OSMR: variants seen among roughly 807,000 people sequenced by gnomAD.
The protein encoded by OSMR is oncostatin-M-specific receptor subunit beta.
A neutral mutation model predicts 99.9 loss-of-function variants in OSMR; 81 were observed. The ratio of observed to expected loss-of-function variants is 0.81; its 90% CI spans 0.68 to 0.97. The LOEUF is 0.97. Ranked by LOEUF, OSMR falls within the 50% of genes least tolerant of loss-of-function variation. OSMR has a pLI of 0.00. For missense variants in OSMR, 1,099 were observed against 1,153.4 expected (o/e 0.95, Z 0.68); for synonymous variants, 406 against 410.4 (o/e 0.99, Z 0.13).
exon 3 of OSMR, chr5:38,945,071 GA>G: frequency 6.3e-7 from 1 of 1,579,906 alleles, no homozygotes; most frequent in Non-Finnish European, 8.6e-7. Context: ...TTGAAAGTCT[GA>G]AGAAAAAAAT....
At chr5:38,936,211 C>G (rs1161037325), downstream of OSMR, among the ~76,000 whole-genome samples, 1 of 152,138 alleles carries the variant, frequency 6.6e-6, no homozygotes, top group Admixed American at 6.5e-5. Flanking sequence ...TGTTTCAGCT[C>G]CATCCACACC....
downstream of OSMR, chr5:38,938,629 C>G (rs1747218890): frequency 4.3e-6 from 1 of 232,512 alleles, no homozygotes; most frequent in Admixed American, 5.6e-5. Flanking sequence ...GTCATATAAA[C>G]CTACTAGGAA....
chr5:38,916,756 T>C lies in OSMR; in HGVS notation c.1286-790T>C, dbSNP rs144519468. Among the ~76,000 whole-genome samples the C allele has an allele frequency of 4.6e-5, 7 of 152,268 alleles. No individual in the cohort carries two copies. The East Asian group carries it at 1.4e-3, about 29-fold the overall frequency. ...GTGAGGGATGGAGACAAGAAAAGAT[T>C]GGGACATTGAAGCAGGTTGTTTTCT... On this transcript the variant is annotated intron_variant, in intron 9 of 17. Transcript: ENST00000274276.
intron 9 of OSMR, among the ~76,000 whole-genome samples, chr5:38,916,363 C>A (rs982451545): frequency 2.0e-5 from 3 of 152,192 alleles, no homozygotes; most frequent in Non-Finnish European, 4.4e-5. Context: ...CAGACCCTAA[C>A]TACCTTGAGT....
chr5:38,912,347 T>A (rs1189650008), intron 9 of OSMR, among the ~76,000 whole-genome samples: 1 of 152,006 alleles, frequency 6.6e-6, no homozygotes, highest in East Asian at 1.9e-4. Context: ...CACAAAAATA[T>A]CTAGTAATAC....
chr5:38,930,801 GA>G (rs942544038), intron 15 of OSMR, among the ~76,000 whole-genome samples: 10 of 151,590 alleles, frequency 6.6e-5, no homozygotes. Flanking sequence ...GTTTTTAAAG[GA>G]AAAAAAATGA....
At chr5:38,944,173 G>C (rs1310086380) in intron 1 of OSMR, 1 of 520,634 alleles carries the variant, frequency 1.9e-6, no homozygotes, top group African/African-American at 1.9e-5. Flanking sequence ...AAAGTGAGAA[G>C]AGTGGCATTA....
chr5:38,914,262 A>T (rs1331200110), intron 9 of OSMR, among the ~76,000 whole-genome samples: 1 of 152,172 alleles, frequency 6.6e-6, no homozygotes, highest in Non-Finnish European at 1.5e-5. Flanking sequence ...GTAGATGGTC[A>T]TCTATGTCTG....
At chr5:38,902,595 C>T (rs1744966285) in intron 7 of OSMR, among the ~76,000 whole-genome samples, 1 of 152,198 alleles carries the variant, frequency 6.6e-6, no homozygotes, top group South Asian at 2.1e-4. Context: ...TAGGCCAGTG[C>T]CCTTCGGTAA....
intron 2 of OSMR, among the ~76,000 whole-genome samples, chr5:38,873,637 C>T (rs1289195040): frequency 6.6e-6 from 1 of 152,128 alleles, no homozygotes; most frequent in African/African-American, 2.4e-5. Flanking sequence ...CACATCCTCG[C>T]CAACACTTGT....
intron 9 of OSMR, among the ~76,000 whole-genome samples, chr5:38,910,877 G>T (rs984351327): frequency 5.3e-5 from 8 of 152,116 alleles, no homozygotes; most frequent in Non-Finnish European, 1.0e-4. Context: ...AGGCGTGGTG[G>T]CACGTGCCTG....
intron 9 of OSMR, among the ~76,000 whole-genome samples, chr5:38,916,630 G>T (rs1448983467): frequency 1.3e-5 from 2 of 152,162 alleles, no homozygotes; most frequent in African/African-American, 4.8e-5. Context: ...GGTACCCAGA[G>T]TTGGCTTGGA....
chr5:38,921,364 C>A, intron 11 of OSMR: 1 of 362,628 alleles, frequency 2.8e-6, no homozygotes, highest in Non-Finnish European at 3.8e-6. Flanking sequence ...GTCCTAGGTG[C>A]TGAAGTCTGG....
intron 15 of OSMR, among the ~76,000 whole-genome samples, chr5:38,927,584 C>A (rs1335978279): frequency 2.0e-5 from 3 of 152,186 alleles, no homozygotes; most frequent in African/African-American, 7.2e-5. Context: ...TGAGGCGGCA[C>A]AGAGCAGGGC....
At chr5:38,892,750 C>A (rs1744240823) in intron 7 of OSMR, among the ~76,000 whole-genome samples, 1 of 152,078 alleles carries the variant, frequency 6.6e-6, no homozygotes. Flanking sequence ...TTGTGGACTG[C>A]AGATAGACTA....
intron 7 of OSMR, among the ~76,000 whole-genome samples, chr5:38,892,556 G>A (rs905949035): frequency 5.3e-5 from 8 of 152,076 alleles, no homozygotes; most frequent in African/African-American, 1.4e-4. Flanking sequence ...CAACACCACC[G>A]TAACCAACAT....
intron 1 of OSMR, among the ~76,000 whole-genome samples, chr5:38,868,547 C>T (rs1742122670): frequency 6.6e-6 from 1 of 152,286 alleles, no homozygotes. Context: ...AGGTTTTCCA[C>T]TTTTGCCTCT....
Position 38,932,936 on chromosome 5 carries a change from G to A in OSMR, c.2432G>A (p.Ser811Asn), listed in dbSNP as rs1746831337. 6.2e-7 allele frequency: 1 copy of A among 1,614,000 alleles called. No homozygotes were observed. Among genetic ancestry groups the A allele is most frequent in the African/African-American group, 1.3e-5 (1 of 74,914 alleles). The change falls in exon 18 of 18, where the codon AGC (serine) becomes AAC (asparagine). Residue 811 changes from serine to asparagine, a missense_variant. Physicochemically the swap from Ser to Asn is conservative, Grantham distance 46. Transcript: ENST00000274276. ...ATCCCAGATGCTATTGAAGTTGTAA[G>A]CAAGCCAGAAGGGACAAAGATACAG... The part of the protein sequence containing the change: ...DCIPDAIEVV[S>N]KPEGTKIQFL...
rs1363357746 is a variant in OSMR, at chr5:38,935,231, T to C, written c.*1787T>C. On this transcript the variant is annotated 3_prime_UTR_variant, in exon 18 of 18. Coordinates refer to ENST00000274276, the MANE Select transcript of OSMR (RefSeq NM_003999.3). ...ATGGCTCTGCCTATGCTCATGCTTCTGGTGCCCAATGCCTTGCACTGTGCC... is the reference window on the plus strand; with the variant it reads ...ATGGCTCTGCCTATGCTCATGCTTCCGGTGCCCAATGCCTTGCACTGTGCC... The C allele has an allele frequency of 6.6e-6, 1 of 152,274 alleles. No individual in the cohort carries two copies. The highest frequency in any genetic ancestry group is 1.5e-5 in the Non-Finnish European group (1 of 68,072). The allele number at this position is 152,274 out of a possible 1,614,324, so 9.4% of individuals were successfully genotyped here.
Sources: allele counts gnomAD v4.1 joint callset (sites outside exome capture counted in the v4.1 genomes callset), GRCh38; gene constraint gnomAD v4.1.1; transcripts MANE v1.5; gene names NCBI Gene and HGNC (gene_info 2026-07-23, HGNC 2026-07-21).